The following STAB1 variants were observed in gnomAD, a reference collection of about 807,000 sequenced individuals.
STAB1 encodes stabilin 1, also known as stabilin-1.
STAB1 carries 250 observed loss-of-function variants against 332.4 expected under a neutral mutation model. That is an observed-to-expected ratio of 0.75 (90% CI 0.68 to 0.84). The LOEUF is 0.84. STAB1 is among the 40% of genes least tolerant of loss of function. The pLI is 0.00. For synonymous variants in STAB1, 1,475 were observed against 1,390.4 expected, an observed-to-expected ratio of 1.06 and a Z score of -1.35; for missense variants, 3,249 against 3,489.7, an observed-to-expected ratio of 0.93 and a Z score of 1.74.
rs745916001 is a variant in STAB1, at chr3:52,522,371, T to A, written c.6507T>A (p.Asp2169Glu). 1.9e-6 allele frequency: 3 copies of A among 1,612,882 alleles called. No homozygotes were observed. The highest frequency in any genetic ancestry group is 2.5e-6 in the Non-Finnish European group (3 of 1,180,016). Reference sequence around the variant, plus strand: ...AGTGCCACGCAGGCTACGTAGGCGATGGACTGCAGTGTCTGGAGGAGTCGG... The same window carrying A: ...AGTGCCACGCAGGCTACGTAGGCGAAGGACTGCAGTGTCTGGAGGAGTCGG... ...RCECHAGYVG[D>E]GLQCLEESEP... The change falls in exon 60 of 69, where the codon GAT becomes GAA. Residue 2169 changes from aspartate to glutamate, a missense_variant. Transcript: ENST00000321725.
At position 52,515,458 on chromosome 3, in the gene STAB1, C is replaced by A. The variant is rs1051743509; in HGVS notation, c.3900C>A (p.Gly1300=). ...TPRKSCVYRS[G]FSFSRGCSYT... Reference sequence around the variant, plus strand: ...GGAAGAGCTGTGTCTACCGATCTGGCTTCTCCTTCTCCCGGGGCTGCTCTT... The same window carrying A: ...GGAAGAGCTGTGTCTACCGATCTGGATTCTCCTTCTCCCGGGGCTGCTCTT... The change falls in exon 37 of 69, where the codon GGC becomes GGA. Residue 1300 remains glycine, a synonymous_variant. Transcript: ENST00000321725. 1 of 1,613,520 alleles carries A rather than the reference C, an allele frequency of 6.2e-7. No individual in the cohort carries two copies. Among genetic ancestry groups the A allele is most frequent in the South Asian group, 1.1e-5 (1 of 91,078 alleles).
chr3:52,516,261 G>C (rs1449610778), intron 38 of STAB1, 23 bp downstream of exon 38: 2 of 1,604,062 alleles, frequency 1.2e-6, no homozygotes, highest in Non-Finnish European at 1.7e-6. Flanking sequence ...GAGGGGCGGG[G>C]GTGGGCCTCC....
intron 16 of STAB1, 46 bp from the exon 17 acceptor site, chr3:52,506,124 G>T: frequency 1.9e-6 from 3 of 1,580,658 alleles, no homozygotes; most frequent in Non-Finnish European, 2.6e-6. Flanking sequence ...GTGGCCCCAA[G>T]GTATGGCCAG....
Position 52,521,944 on chromosome 3 carries a change from G to A in STAB1, c.6264G>A (p.Val2088=). Reference sequence around the variant, plus strand: ...TGGGCTATGAAGGGGATGGCCGTGTGTGTACAGGTAAGCAGATGGGCGGGG... The same window carrying A: ...TGGGCTATGAAGGGGATGGCCGTGTATGTACAGGTAAGCAGATGGGCGGGG... ...CSLGYEGDGR[V]CTVADLCQDG... is the part of the protein sequence containing the mutation. Residue 2088 remains valine, a synonymous_variant, in exon 58 of 69, where the codon GTG becomes GTA. Transcript: ENST00000321725. The A allele has an allele frequency of 6.2e-7, 1 of 1,608,916 alleles. No homozygotes were observed. The highest frequency in any genetic ancestry group is 8.5e-7 in the Non-Finnish European group (1 of 1,176,752).
intron 1 of STAB1, among the ~76,000 whole-genome samples, chr3:52,498,393 T>A (rs1157379323): frequency 6.6e-6 from 1 of 152,142 alleles, no homozygotes; most frequent in Non-Finnish European, 1.5e-5. Context: ...AACGGCAAGA[T>A]GTGGGCTCAG....
Position 52,512,388 on chromosome 3 carries a change from C to T in STAB1, c.2931C>T (p.Pro977=). Residue 977 remains proline, a synonymous_variant, in exon 27 of 69, where the codon CCC becomes CCT. Transcript: ENST00000321725. ...VGGGQRVCTC[P]PGFGGDGFSC... The stretch of plus-strand genomic sequence containing the variant: ...GAGGTCAGCGGGTCTGCACGTGCCC[C>T]CCTGGCTTTGGGGGTGATGGCTTCA... 1 of 1,610,940 alleles carries T rather than the reference C, an allele frequency of 6.2e-7. No individual in the cohort carries two copies. The highest frequency in any genetic ancestry group is 8.5e-7 in the Non-Finnish European group (1 of 1,179,056).
rs531167643 is a variant in STAB1, at chr3:52,506,082, G to C, written c.1750-88G>C. On this transcript the variant is annotated intron_variant, in intron 16 of 68. Transcript: ENST00000321725. ...TAGCACAGAGCCTAGGGACCAAGGG[G>C]GTGGCTGTGAGCCTCCTGGGCAGGA... 11 of 1,516,190 alleles carry C rather than the reference G, an allele frequency of 7.3e-6. No individual in the cohort carries two copies. The East Asian group carries it at 2.2e-4, about 30-fold the overall frequency. The allele number at this position is 1,516,190 out of a possible 1,614,324, so 93.9% of individuals were successfully genotyped here.
Position 52,509,871 on chromosome 3 carries a change from C to T in STAB1, c.2349C>T (p.Asp783=). The change falls in exon 23 of 69, where the codon GAC becomes GAT. Residue 783 remains aspartate, a splice_region_variant and synonymous_variant. Transcript: ENST00000321725. ...CTTGCTCCCATCTACTCCATACAGA[C>T]TGCGGCTGTGTCCATGGTCTCTGCG... The part of the protein sequence containing the change: ...PNKHGEQCQE[D]CGCVHGLCDN... 6.2e-7 allele frequency: 1 copy of T among 1,613,050 alleles called. No individual in the cohort carries two copies. The highest frequency in any genetic ancestry group is 8.5e-7 in the Non-Finnish European group (1 of 1,180,016).
chr3:52,508,174 CA>C (rs1471653693), intron 20 of STAB1, 98 bp from the exon 21 acceptor site: 1 of 1,361,452 alleles, frequency 7.3e-7, no homozygotes, highest in Admixed American at 1.9e-5. Flanking sequence ...AAACCTTATC[CA>C]CTCCGTCACT....
At chr3:52,501,448 G>A in intron 2 of STAB1, 146 bp downstream of exon 2, 1 of 1,303,726 alleles carries the variant, frequency 7.7e-7, no homozygotes, top group Non-Finnish European at 1.1e-6. Context: ...GAGATAGGCG[G>A]GGAGGAAGGG....
In STAB1 at chr3:52,503,764, G is replaced by C; in HGVS notation, c.892-8G>C. ...GTGGTGTTCCCCTCCTGCCCTGTCG[G>C]GGGCCAGGCCTTCTGCACCTGCCGG... On this transcript the variant is annotated splice_polypyrimidine_tract_variant and splice_region_variant and intron_variant, in intron 8 of 68. Transcript: ENST00000321725. 1 of 1,612,954 alleles carries C rather than the reference G, an allele frequency of 6.2e-7. No homozygotes were observed. The highest frequency in any genetic ancestry group is 8.5e-7 in the Non-Finnish European group (1 of 1,179,996).
At chr3:52,508,072 G>A in intron 20 of STAB1, 46 bp downstream of exon 20, 1 of 1,584,966 alleles carries the variant, frequency 6.3e-7, no homozygotes, top group Non-Finnish European at 8.6e-7. Flanking sequence ...CTGGGCACCT[G>A]CTGTTCCTCG....
At chr3:52,498,557 C>A (rs1293589673) in intron 1 of STAB1, among the ~76,000 whole-genome samples, 1 of 152,256 alleles carries the variant, frequency 6.6e-6, no homozygotes, top group Non-Finnish European at 1.5e-5. Context: ...CCACACCAGG[C>A]CCCAAAGCTC....
rs869229253 is a variant in STAB1, at chr3:52,508,848, AAT to A, written c.2236-360_2236-359del. 1.6e-3 allele frequency among the ~76,000 whole-genome samples: 239 copies of A among 151,978 alleles called. 1 individual carries two copies. The highest frequency in any genetic ancestry group is 2.8e-3 in the African/African-American group (115 of 41,396). ...AAATAACAATAATAATAATAATAAT[AAT>A]AATAGATAGATAGATAGATTTTTTG... On this transcript the variant is annotated intron_variant, in intron 21 of 68. Coordinates refer to ENST00000321725, the MANE Select transcript of STAB1 (RefSeq NM_015136.3).
At chr3:52,509,599 A>G in intron 22 of STAB1, 3 of 593,178 alleles carry the variant, frequency 5.1e-6, no homozygotes, top group Non-Finnish European at 6.0e-6. Flanking sequence ...TGTGGCTTAA[A>G]GTATGCGGGA....
rs745344007 is a variant in STAB1 at position 52,504,728 on chromosome 3, T to C, written c.1240-11T>C. Reference sequence around the variant, plus strand: ...CCCCGGCTCACTTTGCTCCCCGCCTTGCGTCTGCAGGCATCCCTTGCCCAG... The same window carrying C: ...CCCCGGCTCACTTTGCTCCCCGCCTCGCGTCTGCAGGCATCCCTTGCCCAG... On this transcript the variant is annotated splice_polypyrimidine_tract_variant and intron_variant, in intron 11 of 68. Coordinates refer to ENST00000321725, the MANE Select transcript of STAB1 (RefSeq NM_015136.3). 3 of 1,613,648 alleles carry C rather than the reference T, an allele frequency of 1.9e-6. No individual in the cohort carries two copies. The highest frequency in any genetic ancestry group is 3.3e-5 in the Admixed American group (2 of 60,024).
rs1437635559 is a variant in STAB1 at position 52,522,560 on chromosome 3, C to T, written c.6616C>T (p.Arg2206Trp). ...TGCACCCCTCCATTCTGCAGAGAAACGGGCTGGCGTTTTCCACCTCCAGGC... is the reference window on the plus strand; with the variant it reads ...TGCACCCCTCCATTCTGCAGAGAAATGGGCTGGCGTTTTCCACCTCCAGGC... Reference protein sequence around the residue: ...MCTDLHFQEKRAGVFHLQATS... With the variant: ...MCTDLHFQEKWAGVFHLQATS... Residue 2206 changes from arginine to tryptophan, a missense_variant, in exon 61 of 69, where the codon CGG becomes TGG. Transcript: ENST00000321725. 9.3e-6 allele frequency: 15 copies of T among 1,613,078 alleles called. No homozygotes were observed. The highest frequency in any genetic ancestry group is 2.2e-5 in the East Asian group (1 of 44,888).
chr3:52,501,884 G>C, intron 3 of STAB1, 122 bp from the exon 4 acceptor site: 2 of 1,419,428 alleles, frequency 1.4e-6, no homozygotes, highest in Non-Finnish European at 1.9e-6. Flanking sequence ...CGCCTCCAAG[G>C]CTCGGCCCCC....
Position 52,521,011 on chromosome 3 carries a change from C to A in STAB1, c.5908+6C>A. The A allele has an allele frequency of 6.5e-7, 1 of 1,531,940 alleles. No individual in the cohort carries two copies. The highest frequency in any genetic ancestry group is 8.8e-7 in the Non-Finnish European group (1 of 1,141,516). 94.9% of individuals were successfully genotyped at this position (1,531,940 alleles called of 1,614,324 possible). On this transcript the variant is annotated splice_donor_region_variant and intron_variant, in intron 55 of 68. Coordinates refer to ENST00000321725, the MANE Select transcript of STAB1 (RefSeq NM_015136.3). ...CTATGGCAGTGAGTGCCAAGGTGAG[C>A]ATTGCAGACACTGTTGACTAGCTCC...
Sources: gnomAD v4.1 joint callset for allele counts (sites outside exome capture counted in the v4.1 genomes callset) on GRCh38, gnomAD v4.1.1 for gene constraint, MANE v1.5 for transcripts, NCBI Gene and HGNC (gene_info 2026-07-23, HGNC 2026-07-21) for gene names.